Variants in STX8 observed in about 807,000 individuals in gnomAD.
The protein encoded by STX8 is syntaxin 8.
In STX8, 23 loss-of-function variants were observed where a neutral mutation model predicts 37.5. The observed-to-expected ratio is 0.61, with a 90% confidence interval of 0.44 to 0.87. The LOEUF is 0.87. Among genes scored for constraint, STX8 ranks in the 40% least tolerant of loss-of-function variants. The pLI, the probability that STX8 is intolerant of heterozygous loss-of-function variation, is 0.00. For missense variants in STX8, 313 were observed against 284.7 expected, an observed-to-expected ratio of 1.10 and a Z score of -0.71; for synonymous variants, 115 against 99.1, an observed-to-expected ratio of 1.16 and a Z score of -0.95.
chr17:9,345,406 T>C (rs1487464268), intron 7 of STX8, among the ~76,000 whole-genome samples: 1 of 152,110 alleles, frequency 6.6e-6, no homozygotes, highest in African/African-American at 2.4e-5. Flanking sequence ...TGCCTCGGCC[T>C]CCCAAAGTGC....
At chr17:9,495,738 G>T (rs1358412565) in intron 5 of STX8, among the ~76,000 whole-genome samples, 1 of 152,308 alleles carries the variant, frequency 6.6e-6, no homozygotes. Context: ...AGACACAGAA[G>T]ATTCAGATAA....
chr17:9,445,241 T>C (rs1325410449), intron 6 of STX8, among the ~76,000 whole-genome samples: 2 of 151,934 alleles, frequency 1.3e-5, no homozygotes, highest in Non-Finnish European at 2.9e-5. Context: ...TGAATACCTA[T>C]TGGCACTCCA....
intron 6 of STX8, among the ~76,000 whole-genome samples, chr17:9,391,923 T>G (rs1308647725): frequency 6.6e-6 from 1 of 152,130 alleles, no homozygotes; most frequent in Non-Finnish European, 1.5e-5. Context: ...CTTTGAGAAG[T>G]GCATACACGG....
At chr17:9,255,176 G>A (rs1374818627) in intron 7 of STX8, among the ~76,000 whole-genome samples, 1 of 152,096 alleles carries the variant, frequency 6.6e-6, no homozygotes, top group Non-Finnish European at 1.5e-5. Context: ...CACAGATGCT[G>A]TGAATTAGAC....
intron 6 of STX8, among the ~76,000 whole-genome samples, chr17:9,402,654 C>G (rs1241639009): frequency 6.6e-6 from 1 of 152,156 alleles, no homozygotes; most frequent in African/African-American, 2.4e-5. Context: ...TTTTATTCCT[C>G]TATGTCAGTT....
At chr17:9,462,263 C>T (rs528125019) in intron 6 of STX8, among the ~76,000 whole-genome samples, 1 of 152,108 alleles carries the variant, frequency 6.6e-6, no homozygotes, top group Non-Finnish European at 1.5e-5. Flanking sequence ...CCTAAGGAAA[C>T]CTGAGGCTGA....
At chr17:9,437,402 C>T (rs968741705) in intron 6 of STX8, among the ~76,000 whole-genome samples, 1 of 152,212 alleles carries the variant, frequency 6.6e-6, no homozygotes, top group African/African-American at 2.4e-5. Flanking sequence ...ATTCATAAGG[C>T]TGATACAACA....
chr17:9,324,113 C>G (rs911670922), intron 7 of STX8, among the ~76,000 whole-genome samples: 56 of 131,536 alleles, frequency 4.3e-4, no homozygotes, highest in African/African-American at 1.6e-3. Context: ...CTCTCTGTCT[C>G]TCTCTCTCTC....
At chr17:9,260,700 GT>G (rs1906985920) in intron 7 of STX8, among the ~76,000 whole-genome samples, 1 of 152,186 alleles carries the variant, frequency 6.6e-6, no homozygotes, top group Non-Finnish European at 1.5e-5. Context: ...CCAGGCCAGT[GT>G]CCCCCATGTG....
intron 6 of STX8, among the ~76,000 whole-genome samples, chr17:9,472,178 C>T (rs536967756): frequency 1.1e-4 from 16 of 151,658 alleles, no homozygotes; most frequent in Admixed American, 2.6e-4. Context: ...GCCTGTCTGT[C>T]TGGCCCCAGA....
intron 3 of STX8, among the ~76,000 whole-genome samples, chr17:9,551,160 A>G (rs942343973): frequency 3.3e-5 from 5 of 152,218 alleles, no homozygotes; most frequent in African/African-American, 9.6e-5. Context: ...TTAATTCTCC[A>G]TGCCAAAAAA....
At position 9,405,675 on chromosome 17, in the gene STX8, T is replaced by TC. The variant is rs1310886863; in HGVS notation, c.542-27023dup. Among the ~76,000 whole-genome samples, 13 of 152,182 alleles carry TC rather than the reference T, an allele frequency of 8.5e-5. No individual in the cohort carries two copies. The South Asian group carries it at 2.5e-3, about 29-fold the overall frequency. ...ACTAGTAAATGTCATGTTTGGCTTT[T>TC]CCCCCCACCAGAATTGGTCACTCAC... On this transcript the variant is annotated intron_variant, in intron 6 of 7. Transcript: ENST00000306357.
intron 6 of STX8, among the ~76,000 whole-genome samples, chr17:9,406,996 A>G (rs993049473): frequency 1.3e-5 from 2 of 152,188 alleles, no homozygotes; most frequent in Admixed American, 6.6e-5. Flanking sequence ...CTGATTGTTC[A>G]TACTATTCAG....
intron 6 of STX8, among the ~76,000 whole-genome samples, chr17:9,439,046 T>C (rs1344050804): frequency 6.6e-6 from 1 of 152,190 alleles, no homozygotes; most frequent in Non-Finnish European, 1.5e-5. Context: ...CATATAATTT[T>C]CATGTGTCAC....
intron 7 of STX8, among the ~76,000 whole-genome samples, chr17:9,278,566 G>A (rs1228333078): frequency 2.0e-5 from 3 of 152,184 alleles, no homozygotes; most frequent in Non-Finnish European, 2.9e-5. Context: ...GAATAACTGG[G>A]TCAATGGCAT....
intron 6 of STX8, among the ~76,000 whole-genome samples, chr17:9,485,028 C>T (rs1906522755): frequency 6.6e-6 from 1 of 152,132 alleles, no homozygotes; most frequent in Admixed American, 6.5e-5. Flanking sequence ...ATGGCACATG[C>T]CTGTGGTCCC....
At chr17:9,282,112 T>C (rs1233421500) in intron 7 of STX8, among the ~76,000 whole-genome samples, 1 of 152,080 alleles carries the variant, frequency 6.6e-6, no homozygotes, top group Non-Finnish European at 1.5e-5. Context: ...GATAAATTTT[T>C]GTTTGGTACT....
intron 4 of STX8, among the ~76,000 whole-genome samples, chr17:9,530,573 T>G (rs973804504): frequency 6.6e-6 from 1 of 152,214 alleles, no homozygotes; most frequent in Non-Finnish European, 1.5e-5. Flanking sequence ...TGATGACTAG[T>G]GAAGTTGAAC....
intron 3 of STX8, among the ~76,000 whole-genome samples, chr17:9,549,219 G>C (rs922188723): frequency 2.6e-5 from 4 of 152,084 alleles, no homozygotes; most frequent in Non-Finnish European, 5.9e-5. Context: ...AATATTTTTT[G>C]TAATAAAAAC....
Sources: gnomAD v4.1 joint callset for allele counts (sites outside exome capture counted in the v4.1 genomes callset) on GRCh38, gnomAD v4.1.1 for gene constraint, MANE v1.5 for transcripts, NCBI Gene and HGNC (gene_info 2026-07-23, HGNC 2026-07-21) for gene names.